Variants in ZNF718 observed in about 807,000 individuals in gnomAD.
ZNF718 encodes the protein zinc finger protein 718.
A neutral mutation model predicts 2.6 loss-of-function variants in ZNF718; 3 were observed. The observed-to-expected ratio is 1.16, with a 90% CI of 0.53 to 3.01. ZNF718 has a LOEUF of 3.01. Ranked by LOEUF, ZNF718 falls within the 30% of genes most tolerant of loss-of-function variation. The pLI is 0.03. For missense variants in ZNF718, 468 were observed against 230.0 expected, an observed-to-expected ratio of 2.03 and a Z score of -6.69; for synonymous variants, 135 against 77.9, an observed-to-expected ratio of 1.73 and a Z score of -3.86.
At chr4:169,950 C>T (rs1717183318) in intron 3 of ZNF718, among the ~76,000 whole-genome samples, 1 of 152,002 alleles carries the variant, frequency 6.6e-6, no homozygotes, top group African/African-American at 2.4e-5. Context: ...CATCGATGGT[C>T]TTTACAATTT....
At chr4:160,490 A>G (rs1716774146) in intron 3 of ZNF718, among the ~76,000 whole-genome samples, 1 of 152,204 alleles carries the variant, frequency 6.6e-6, no homozygotes, top group Non-Finnish European at 1.5e-5. Context: ...TATACTTTGT[A>G]TAATTTTATA....
At chr4:136,294 G>C (rs1324140757) in intron 3 of ZNF718, 4 of 494,538 alleles carry the variant, frequency 8.1e-6, no homozygotes, top group Non-Finnish European at 1.6e-5. Flanking sequence ...ATGGACTGTG[G>C]CTGTGAGGGC....
At chr4:165,848 CTTT>C (rs1244555100), downstream of ZNF718, among the ~76,000 whole-genome samples, 1 of 114,076 alleles carries the variant, frequency 8.8e-6, no homozygotes, top group Non-Finnish European at 1.7e-5. Flanking sequence ...ATTTTACGTT[CTTT>C]TTTTTTATTA....
intron 3 of ZNF718, among the ~76,000 whole-genome samples, chr4:135,025 C>T (rs1715496888): frequency 6.6e-6 from 1 of 152,114 alleles, no homozygotes; most frequent in Non-Finnish European, 1.5e-5. Context: ...GGGTGGATCA[C>T]AAGGTCAAGA....
chr4:163,436 C>T lies in ZNF718; in HGVS notation c.*1314C>T, dbSNP rs967668297. The T allele has an allele frequency of 1.3e-5, 2 of 152,192 alleles. No homozygotes were observed. Among genetic ancestry groups the T allele is most frequent in the Non-Finnish European group, 2.9e-5 (2 of 68,040 alleles). 9.4% of individuals were successfully genotyped at this position (152,192 alleles called of 1,614,324 possible). On this transcript the variant is annotated 3_prime_UTR_variant, in exon 4 of 4. Coordinates refer to ENST00000510175, the MANE Select transcript of ZNF718 (RefSeq NM_001039127.6). ...ATCTCCTGACCTCGTGATCCGCCCGCCTCGGCCTCCCAAAGTGCTGGGATT... is the reference window on the plus strand; with the variant it reads ...ATCTCCTGACCTCGTGATCCGCCCGTCTCGGCCTCCCAAAGTGCTGGGATT...
chr4:166,944 G>A (rs901750473), downstream of ZNF718, among the ~76,000 whole-genome samples: 2 of 152,118 alleles, frequency 1.3e-5, no homozygotes, highest in African/African-American at 2.4e-5. Flanking sequence ...CGTCCTGAAT[G>A]GTATTGCCTA....
intron 3 of ZNF718, among the ~76,000 whole-genome samples, chr4:195,054 A>G (rs546065133): frequency 6.6e-6 from 1 of 152,290 alleles, no homozygotes; most frequent in South Asian, 2.1e-4. Context: ...GTCCTTTACC[A>G]GAGTGCCCAA....
intron 3 of ZNF718, among the ~76,000 whole-genome samples, chr4:150,600 C>T (rs1289775041): frequency 6.6e-6 from 1 of 151,898 alleles, no homozygotes; most frequent in African/African-American, 2.4e-5. Context: ...TCTTTTATAA[C>T]TGAATAGTAT....
At position 161,925 on chromosome 4, in the gene ZNF718, A is replaced by G. The variant is rs1716898167; in HGVS notation, c.1240A>G (p.Lys414Glu). ...FKVFANLHNH[K>E]KIHTGEKPYI... ...AGTGTTTGCAAACCTGCATAATCATAAGAAAATTCATACTGGAGAGAAACC... is the reference window on the plus strand; with the variant it reads ...AGTGTTTGCAAACCTGCATAATCATGAGAAAATTCATACTGGAGAGAAACC... The change falls in exon 4 of 4, where the codon AAG (lysine) becomes GAG (glutamate). Residue 414 changes from lysine (K) to glutamate (E), a missense_variant. Physicochemically the swap from Lys to Glu is moderately conservative, Grantham distance 56. Coordinates refer to ENST00000510175, the MANE Select transcript of ZNF718 (RefSeq NM_001039127.6). 1.3e-6 allele frequency: 1 copy of G among 779,946 alleles called. No homozygotes were observed. Among genetic ancestry groups the G allele is most frequent in the African/African-American group, 1.7e-5 (1 of 59,076 alleles). The allele number at this position is 779,946 out of a possible 1,614,324, so 48.3% of individuals were successfully genotyped here.
chr4:187,934 A>T (rs570667422), intron 3 of ZNF718, among the ~76,000 whole-genome samples: 2 of 152,294 alleles, frequency 1.3e-5, no homozygotes, highest in East Asian at 3.9e-4. Context: ...GCCTTAGAAC[A>T]TGGGCATGGG....
chr4:151,948 G>A (rs1413595833), intron 3 of ZNF718, among the ~76,000 whole-genome samples: 11 of 150,764 alleles, frequency 7.3e-5, no homozygotes, highest in African/African-American at 2.7e-4. Flanking sequence ...CAAAGAGGGG[G>A]ATGTGTCAGG....
At chr4:125,342 T>C (rs1226595495) in intron 1 of ZNF718, 2 of 152,518 alleles carry the variant, frequency 1.3e-5, no homozygotes, top group Non-Finnish European at 2.9e-5. Context: ...GGTGTGGGCG[T>C]CCCTGGTTTG....
At chr4:175,773 T>C (rs1265873498) in intron 3 of ZNF718, among the ~76,000 whole-genome samples, 3 of 152,028 alleles carry the variant, frequency 2.0e-5, no homozygotes, top group Admixed American at 2.0e-4. Flanking sequence ...AAGAGTTAAC[T>C]GTGACCCTCC....
chr4:161,693 GAA>G lies in ZNF718; in HGVS notation c.1010_1011del (p.Lys337ThrfsTer5), dbSNP rs781891428. 1.3e-5 allele frequency: 10 copies of G among 778,914 alleles called. No homozygotes were observed. Among genetic ancestry groups the G allele is most frequent in the Middle Eastern group, 2.2e-4 (1 of 4,462 alleles). The allele number at this position is 778,914 out of a possible 1,614,324, so 48.3% of individuals were successfully genotyped here. ...AKHKRIHTGE[K>X]PYKCEECGKS... ...AACATAAGAGAATTCATACAGGAGA[GAA>G]ACCCTACAAATGTGAAGAATGTGGA... is the stretch of plus-strand genomic sequence containing the variant. On this transcript the variant is annotated frameshift_variant, in exon 4 of 4. Transcript: ENST00000510175. LOFTEE classifies it low-confidence loss of function (END_TRUNC).
At chr4:179,490 C>A (rs2108812832) in intron 3 of ZNF718, among the ~76,000 whole-genome samples, 1 of 152,260 alleles carries the variant, frequency 6.6e-6, no homozygotes, top group South Asian at 2.1e-4. Flanking sequence ...GACAGCTTAA[C>A]AATACTAAGT....
downstream of ZNF718, among the ~76,000 whole-genome samples, chr4:169,133 G>A (rs1319816289): frequency 1.3e-5 from 2 of 152,180 alleles, no homozygotes; most frequent in Admixed American, 6.5e-5. Flanking sequence ...TCAGGAGCAG[G>A]TTGTTCAGTT....
At chr4:179,759 G>A (rs1248209100) in intron 3 of ZNF718, among the ~76,000 whole-genome samples, 1 of 152,054 alleles carries the variant, frequency 6.6e-6, no homozygotes, top group Non-Finnish European at 1.5e-5. Context: ...TCCGTCTTTG[G>A]CCCAATCTCA....
At chr4:191,595 TA>T (rs1717695218) in intron 3 of ZNF718, among the ~76,000 whole-genome samples, 3 of 152,042 alleles carry the variant, frequency 2.0e-5, no homozygotes, top group African/African-American at 7.3e-5. Flanking sequence ...AGGATGGAAG[TA>T]AAATGTCCAC....
chr4:157,103 C>CTTTTTTTTTTTTTTTTTTTTTTTTTTT (rs199814257), intron 3 of ZNF718, among the ~76,000 whole-genome samples: 4 of 103,150 alleles, frequency 3.9e-5, no homozygotes, highest in African/African-American at 4.0e-5. Context: ...TTCTTTCTTT[C>CTTTTTTTTTTTTTTTTTTTTTTTTTTT]TTTTTTTTTT....
Sources: gnomAD v4.1 joint callset for allele counts (sites outside exome capture counted in the v4.1 genomes callset) on GRCh38, gnomAD v4.1.1 for gene constraint, MANE v1.5 for transcripts, NCBI Gene and HGNC (gene_info 2026-07-23, HGNC 2026-07-21) for gene names.